Variants in CUX1 observed in about 807,000 individuals in gnomAD.
CUX1 encodes cut like homeobox 1.
CUX1 carries 31 observed loss-of-function variants against 158.8 expected under a neutral mutation model. The observed-to-expected ratio is 0.20, with a 90% confidence interval of 0.15 to 0.26. CUX1 has a LOEUF of 0.26. Among genes scored for constraint, CUX1 ranks in the 10% least tolerant of loss-of-function variants. The pLI, the probability that CUX1 is intolerant of heterozygous loss-of-function variation, is 1.00. For synonymous variants in CUX1, 879 were observed against 862.1 expected (o/e 1.02, Z -0.34); for missense variants, 1,589 against 2,014.6 (o/e 0.79, Z 4.04).
At chr7:101,975,217 C>T (rs1269188606) in intron 2 of CUX1, among the ~76,000 whole-genome samples, 1 of 151,666 alleles carries the variant, frequency 6.6e-6, no homozygotes, top group East Asian at 1.9e-4. Context: ...TGCCACTGTA[C>T]TCCAGCCTGG....
chr7:102,123,996 A>G (rs572253497), intron 8 of CUX1, among the ~76,000 whole-genome samples: 57 of 152,260 alleles, frequency 3.7e-4, no homozygotes, highest in Non-Finnish European at 6.0e-4. Flanking sequence ...GCATCCTTTG[A>G]GAGGGTAGAG....
At chr7:102,039,646 C>G (rs1821830110) in intron 3 of CUX1, among the ~76,000 whole-genome samples, 1 of 150,210 alleles carries the variant, frequency 6.7e-6, no homozygotes. Context: ...CAGAGCGAGA[C>G]CCTGTCTCTA....
intron 8 of CUX1, among the ~76,000 whole-genome samples, chr7:102,157,891 A>G (rs147563296): frequency 6.6e-6 from 1 of 152,306 alleles, no homozygotes; most frequent in Non-Finnish European, 1.5e-5. Flanking sequence ...CAAAACAGAA[A>G]AAGGGAAAGA....
At chr7:102,213,628 A>G (rs1311438127) in intron 20 of CUX1, among the ~76,000 whole-genome samples, 2 of 152,204 alleles carry the variant, frequency 1.3e-5, no homozygotes, top group Non-Finnish European at 2.9e-5. Flanking sequence ...TTTACAGCAC[A>G]TTGGGCATTC....
At chr7:101,816,143 C>A (rs777214585), upstream of CUX1, 15 of 1,136,548 alleles carry the variant, frequency 1.3e-5, no homozygotes, top group Non-Finnish European at 1.6e-5. Flanking sequence ...GGGCTGCGGG[C>A]GGTCGCGGCC....
chr7:102,162,746 G>T (rs2131607874), intron 9 of CUX1, among the ~76,000 whole-genome samples: 1 of 152,238 alleles, frequency 6.6e-6, no homozygotes, highest in Non-Finnish European at 1.5e-5. Context: ...GAACTCCTGG[G>T]CTCAAACGAT....
chr7:102,154,241 A>G (rs1370671829), intron 8 of CUX1: 4 of 152,214 alleles, frequency 2.6e-5, no homozygotes, highest in African/African-American at 9.6e-5. Context: ...ATAGATGTAG[A>G]TGTTAGAAAG....
intron 2 of CUX1, among the ~76,000 whole-genome samples, chr7:101,957,303 G>A (rs975629254): frequency 6.6e-6 from 1 of 152,232 alleles, no homozygotes; most frequent in Non-Finnish European, 1.5e-5. Flanking sequence ...GTGAACATGA[G>A]GACACTGGAT....
At chr7:102,018,214 G>T (rs35462477) in intron 2 of CUX1, among the ~76,000 whole-genome samples, 1 of 152,132 alleles carries the variant, frequency 6.6e-6, no homozygotes, top group African/African-American at 2.4e-5. Flanking sequence ...TCCTGTCTGG[G>T]CCTCCCAACG....
chr7:102,196,514 A>AC, intron 14 of CUX1, 120 bp from the exon 15 acceptor site: 1 of 985,648 alleles, frequency 1.0e-6, no homozygotes, highest in Non-Finnish European at 1.4e-6. Flanking sequence ...CCCTTGTAAA[A>AC]AAAACCTGCA....
chr7:102,151,599 G>A (rs1276887887), intron 8 of CUX1, among the ~76,000 whole-genome samples: 1 of 151,616 alleles, frequency 6.6e-6, no homozygotes, highest in Non-Finnish European at 1.5e-5. Flanking sequence ...GATTGGGTGT[G>A]CCTGTAATTC....
chr7:102,060,902 G>A (rs566385249), intron 3 of CUX1, among the ~76,000 whole-genome samples: 101 of 137,876 alleles, frequency 7.3e-4, no homozygotes, highest in African/African-American at 2.6e-3. Flanking sequence ...GTGAACCACC[G>A]CGCCTGGCCT....
chr7:102,130,670 G>C (rs1162416787), intron 8 of CUX1, among the ~76,000 whole-genome samples: 3 of 152,086 alleles, frequency 2.0e-5, no homozygotes, highest in Non-Finnish European at 2.9e-5. Context: ...AACAGAGCAA[G>C]ACTCCATCTT....
chr7:102,197,379 C>T (rs900007176), intron 15 of CUX1, 74 bp downstream of exon 15: 19 of 1,475,382 alleles, frequency 1.3e-5, no homozygotes, highest in Middle Eastern at 1.8e-4. Context: ...TGCATGCGTG[C>T]GTGTGTCTGT....
chr7:101,864,489 C>CATCTTAGTGGGTTTAAGGTGGT (rs2131387680), intron 1 of CUX1, among the ~76,000 whole-genome samples: 1 of 151,802 alleles, frequency 6.6e-6, no homozygotes, highest in Non-Finnish European at 1.5e-5. Flanking sequence ...TAATGGTAGA[C>CATCTTAGTGGGTTTAAGGTGGT]ATCTTAGTGG....
chr7:101,817,644 T>A lies in CUX1; in HGVS notation c.5T>A (p.Leu2Ter), dbSNP rs1477929719. 6.4e-7 allele frequency: 1 copy of A among 1,551,882 alleles called. No homozygotes were observed. Among genetic ancestry groups the A allele is most frequent in the East Asian group, 2.4e-5 (1 of 41,094 alleles). M[L>*]CVAGARLKRE... is the part of the protein sequence containing the mutation. ...CCCCGGGACTCTGCCAGGTGGATGT[T>A]GTGCGTAGCCGGAGCCAGGTTGAAG... Residue 2 changes from leucine (L) to a stop codon, truncating the protein, a stop_gained, in exon 1 of 24, where the codon TTG becomes TAG. Transcript: ENST00000292535. LOFTEE classifies it high-confidence loss of function. This position sits in a 1 kb window ranked among gnomAD's most constrained non-coding sequence, Gnocchi z 4.1.
intron 16 of CUX1, 32 bp from the exon 17 acceptor site, chr7:102,200,039 T>G (rs1554519212): frequency 1.3e-6 from 2 of 1,579,518 alleles, no homozygotes; most frequent in Non-Finnish European, 1.7e-6. Context: ...GGGGTTTGGG[T>G]TTGATGTCAT....
chr7:102,122,212 A>G (rs921602224), intron 8 of CUX1, among the ~76,000 whole-genome samples: 2 of 152,136 alleles, frequency 1.3e-5, no homozygotes, highest in Non-Finnish European at 2.9e-5. Context: ...TGTCTTTTTG[A>G]TGAGTCATCA....
At chr7:101,909,621 G>A (rs1347063946) in intron 1 of CUX1, among the ~76,000 whole-genome samples, 3 of 152,232 alleles carry the variant, frequency 2.0e-5, no homozygotes, top group African/African-American at 7.2e-5. Flanking sequence ...TTCTATATAG[G>A]ATGTGCTGTT....
Sources: gnomAD v4.1 joint callset for allele counts (sites outside exome capture counted in the v4.1 genomes callset) on GRCh38, gnomAD v4.1.1 for gene constraint, Gnocchi (gnomAD v3.1) non-coding constraint, MANE v1.5 for transcripts, NCBI Gene and HGNC (gene_info 2026-07-23, HGNC 2026-07-21) for gene names.